PSKH2: variants seen among roughly 807,000 people sequenced by gnomAD.
PSKH2 encodes protein serine kinase H2.
In PSKH2, 16 loss-of-function variants were observed where a neutral mutation model predicts 22.5. The observed-to-expected ratio is 0.71, with a 90% CI of 0.48 to 1.08. The LOEUF is 1.08. Ranked by LOEUF, PSKH2 falls within the 50% of genes least tolerant of loss-of-function variation. The pLI is 0.00. For missense variants in PSKH2, 516 were observed against 492.8 expected, an observed-to-expected ratio of 1.05 and a Z score of -0.44; for synonymous variants, 188 against 184.8, an observed-to-expected ratio of 1.02 and a Z score of -0.14.
At chr8:86,064,785 A>G (rs1817835918) in intron 1 of PSKH2, among the ~76,000 whole-genome samples, 154 bp from the exon 2 acceptor site, 1 of 152,048 alleles carries the variant, frequency 6.6e-6, no homozygotes, top group Non-Finnish European at 1.5e-5. Flanking sequence ...TTTGAAAGGT[A>G]CCCCAAATCC....
chr8:86,064,997 G>A (rs962252167), intron 1 of PSKH2, among the ~76,000 whole-genome samples: 4 of 152,130 alleles, frequency 2.6e-5, no homozygotes, highest in African/African-American at 9.7e-5. Flanking sequence ...AGTTAAATGA[G>A]TTATCAAGGG....
chr8:86,069,141 AC>A (rs1382004971), intron 1 of PSKH2, among the ~76,000 whole-genome samples: 2 of 152,116 alleles, frequency 1.3e-5, no homozygotes, highest in Non-Finnish European at 2.9e-5. Flanking sequence ...TGTGTTTGCT[AC>A]CTGGCCCTTA....
intron 1 of PSKH2, among the ~76,000 whole-genome samples, chr8:86,068,488 C>T (rs192858352): frequency 3.3e-5 from 5 of 152,340 alleles, no homozygotes; most frequent in Admixed American, 3.3e-4. Flanking sequence ...CTAATGTCTG[C>T]ATGAGGACTG....
At chr8:86,069,761 G>T, upstream of PSKH2, 2 of 990,862 alleles carry the variant, frequency 2.0e-6, no homozygotes, top group Non-Finnish European at 2.8e-6. Context: ...TGGTCAGGGA[G>T]ACAGCCCCCA....
At chr8:86,055,473 TG>T (rs1455502152) in intron 2 of PSKH2, among the ~76,000 whole-genome samples, 1 of 152,210 alleles carries the variant, frequency 6.6e-6, no homozygotes, top group Non-Finnish European at 1.5e-5. Flanking sequence ...AAGTTACTCT[TG>T]TAAGATTTAA....
Position 86,047,474 on chromosome 8 carries a change from T to G in PSKH2, c.*988A>C, listed in dbSNP as rs1056636615. Among the ~76,000 whole-genome samples, 1 of 152,178 alleles carries G rather than the reference T, an allele frequency of 6.6e-6. No individual in the cohort carries two copies. Among genetic ancestry groups the G allele is most frequent in the Admixed American group, 6.5e-5 (1 of 15,286 alleles). ...TTACAGTAAATGTCATTCTAACATT[T>G]TATTATTTTTCTGAATAAAATAAGC... On this transcript the variant is annotated 3_prime_UTR_variant, in exon 3 of 3. Transcript: ENST00000276616.
intron 2 of PSKH2, among the ~76,000 whole-genome samples, chr8:86,050,198 T>C (rs545392854): frequency 2.7e-4 from 37 of 137,058 alleles, no homozygotes; most frequent in African/African-American, 1.0e-3. Context: ...GCTTTCTGCA[T>C]TATCTGCTGA....
Position 86,069,576 on chromosome 8 carries a change from A to G in PSKH2, c.47T>C (p.Leu16Pro), listed in dbSNP as rs1563545489. ...SRKVVPGPPA[L>P]AWAKHEGQNQ... The stretch of plus-strand genomic sequence containing the variant: ...TTGACCTTCGTGCTTGGCCCAAGCC[A>G]GCGCTGGTGGCCCCGGGACCACCTT... The change falls in exon 1 of 3, where the codon CTG (leucine) becomes CCG (proline). Residue 16 changes from leucine (L) to proline (P), a missense_variant. Physicochemically the swap from Leu to Pro is moderately conservative, Grantham distance 98. Transcript: ENST00000276616. The G allele has an allele frequency of 2.5e-6, 4 of 1,601,182 alleles. No homozygotes were observed. In the Admixed American group the frequency reaches 5.1e-5, roughly 20 times the overall value.
At chr8:86,063,809 T>C (rs1162865454) in intron 2 of PSKH2, among the ~76,000 whole-genome samples, 156 bp downstream of exon 2, 4 of 152,190 alleles carry the variant, frequency 2.6e-5, no homozygotes, top group Non-Finnish European at 5.9e-5. Context: ...GGGAGGTACA[T>C]TACTGGTATT....
chr8:86,069,685 C>G, upstream of PSKH2: 1 of 1,430,488 alleles, frequency 7.0e-7, no homozygotes, highest in Admixed American at 2.9e-5. Flanking sequence ...CCCCGTTCCT[C>G]CGCCCTTTAT....
intron 1 of PSKH2, among the ~76,000 whole-genome samples, chr8:86,067,499 T>C (rs1817882273): frequency 6.6e-6 from 1 of 151,512 alleles, no homozygotes; most frequent in African/African-American, 2.4e-5. Context: ...ATAAGGTCTT[T>C]TCATTTCCTT....
rs1305230604 is a variant in PSKH2 at position 86,048,373 on chromosome 8, T to C, written c.*89A>G. 37 of 919,048 alleles carry C rather than the reference T, an allele frequency of 4.0e-5. No individual in the cohort carries two copies. The highest frequency in any genetic ancestry group is 2.0e-4 in the South Asian group (13 of 63,826). The allele number at this position is 919,048 out of a possible 1,614,324, so 56.9% of individuals were successfully genotyped here. ...AGATCAATAGTATCCAACAATACCA[T>C]GGAGTCCCGTGTCTTTGGAGCTTGA... On this transcript the variant is annotated 3_prime_UTR_variant, in exon 3 of 3. Coordinates refer to ENST00000276616, the MANE Select transcript of PSKH2 (RefSeq NM_033126.3).
At chr8:86,060,981 C>G (rs1817769601) in intron 2 of PSKH2, among the ~76,000 whole-genome samples, 1 of 152,162 alleles carries the variant, frequency 6.6e-6, no homozygotes, top group South Asian at 2.1e-4. Context: ...GCCCCCTGCT[C>G]TTTTTCAGCA....
Position 86,069,617 on chromosome 8 carries a change from C to T in PSKH2, c.6G>A (p.Gly2=), listed in dbSNP as rs536501005. Residue 2 remains glycine (G), a synonymous_variant, in exon 1 of 3, where the codon GGG becomes GGA. Coordinates refer to ENST00000276616, the MANE Select transcript of PSKH2 (RefSeq NM_033126.3). ...GGACCACCTTCCTGCTGGCGCCGCA[C>T]CCCATACCCGCAACACGCCCGCCGC... M[G]CGASRKVVPG... is the part of the protein sequence containing the mutation. The T allele has an allele frequency of 1.9e-5, 30 of 1,573,912 alleles. No individual in the cohort carries two copies. The South Asian group carries it at 3.3e-4, about 17-fold the overall frequency.
chr8:86,069,870 C>A (rs528662239), upstream of PSKH2, among the ~76,000 whole-genome samples: 1 of 152,296 alleles, frequency 6.6e-6, no homozygotes, highest in South Asian at 2.1e-4. Flanking sequence ...CAGGCAGAAC[C>A]TGCGCCTAAT....
chr8:86,065,335 G>A (rs889190843), intron 1 of PSKH2, among the ~76,000 whole-genome samples: 2 of 152,180 alleles, frequency 1.3e-5, no homozygotes, highest in Admixed American at 6.5e-5. Context: ...AGTAAATGCA[G>A]CTGTGCTATT....
chr8:86,052,304 T>G (rs1817643277), intron 2 of PSKH2, among the ~76,000 whole-genome samples: 2 of 152,190 alleles, frequency 1.3e-5, no homozygotes, highest in Non-Finnish European at 2.9e-5. Flanking sequence ...TGCTTCAAAA[T>G]TCCCCTTTGT....
chr8:86,067,780 C>A (rs896882379), intron 1 of PSKH2, among the ~76,000 whole-genome samples: 1 of 152,132 alleles, frequency 6.6e-6, no homozygotes, highest in Non-Finnish European at 1.5e-5. Flanking sequence ...CTCTTTTCTG[C>A]AAAAGTTATA....
chr8:86,069,289 A>G (rs566237412), intron 1 of PSKH2, 149 bp downstream of exon 1: 5 of 638,446 alleles, frequency 7.8e-6, no homozygotes, highest in Non-Finnish European at 2.5e-6. Context: ...ACATCTCAAA[A>G]GGGCAGAGAA....
Sources: gnomAD v4.1 joint callset for allele counts (sites outside exome capture counted in the v4.1 genomes callset) on GRCh38, gnomAD v4.1.1 for gene constraint, MANE v1.5 for transcripts, NCBI Gene and HGNC (gene_info 2026-07-23, HGNC 2026-07-21) for gene names.